The following KLHDC1 variants were observed in gnomAD, a reference collection of about 807,000 sequenced individuals.
KLHDC1 encodes the protein kelch domain containing 1.
A neutral mutation model predicts 68.3 loss-of-function variants in KLHDC1; 53 were observed. The observed-to-expected ratio is 0.78, with a 90% CI of 0.62 to 0.98. KLHDC1 has a LOEUF of 0.98. Among genes scored for constraint, KLHDC1 ranks in the 50% least tolerant of loss-of-function variants. KLHDC1 has a pLI of 0.00. For synonymous variants in KLHDC1, 148 were observed against 159.0 expected, an observed-to-expected ratio of 0.93 and a Z score of 0.52; for missense variants, 470 against 492.3, an observed-to-expected ratio of 0.95 and a Z score of 0.43.
intron 6 of KLHDC1, among the ~76,000 whole-genome samples, chr14:49,727,541 A>G (rs1888702327): frequency 6.6e-6 from 1 of 152,206 alleles, no homozygotes; most frequent in Non-Finnish European, 1.5e-5. Flanking sequence ...AGGTCTATAC[A>G]AAATCGTAAG....
intron 11 of KLHDC1, among the ~76,000 whole-genome samples, chr14:49,740,404 C>T (rs899727298): frequency 5.3e-5 from 8 of 152,044 alleles, no homozygotes; most frequent in African/African-American, 1.9e-4. Context: ...GTGGTGCGAT[C>T]TCGGCTCACT....
intron 8 of KLHDC1, 107 bp from the exon 9 acceptor site, chr14:49,732,596 GT>G: frequency 2.0e-6 from 1 of 491,070 alleles, no homozygotes. Context: ...ACTAGTAAAA[GT>G]TTTTTGGAGC....
intron 1 of KLHDC1, among the ~76,000 whole-genome samples, chr14:49,700,702 C>T (rs1451223491): frequency 1.3e-5 from 2 of 152,084 alleles, no homozygotes; most frequent in Admixed American, 6.6e-5. Context: ...GAAGGCTTAC[C>T]GTGTCAGATA....
chr14:49,743,596 T>G (rs975715813), intron 11 of KLHDC1, among the ~76,000 whole-genome samples, 157 bp from the exon 12 acceptor site: 2 of 152,168 alleles, frequency 1.3e-5, no homozygotes, highest in African/African-American at 4.8e-5. Flanking sequence ...TATGTTTATG[T>G]GTGTGCATGA....
intron 1 of KLHDC1, among the ~76,000 whole-genome samples, chr14:49,698,994 C>G (rs902728355): frequency 2.9e-4 from 44 of 151,384 alleles, no homozygotes; most frequent in African/African-American, 1.0e-3. Context: ...GAAACCCCGT[C>G]TCTATTAAAA....
chr14:49,705,365 C>CTTTTTTTTTTTTTTTTTTTTTTT lies in KLHDC1; in HGVS notation c.97-3773_97-3772insTTTTTTTTTTTTTTTTTTTTTTT. ...TCACTTTCATAATATTTCTTTCTTT[C>CTTTTTTTTTTTTTTTTTTTTTTT]TTTTTTTTTTTTTTTTTTTTTGAGA... On this transcript the variant is annotated intron_variant, in intron 1 of 12. Coordinates refer to ENST00000359332, the MANE Select transcript of KLHDC1 (RefSeq NM_172193.3). Among the ~76,000 whole-genome samples the CTTTTTTTTTTTTTTTTTTTTTTT allele has an allele frequency of 4.9e-4, 35 of 71,670 alleles. 6 individuals carry two copies. The highest frequency in any genetic ancestry group is 1.8e-3 in the African/African-American group (33 of 18,330). The allele number at this position is 71,670 out of a possible 152,430, so 47.0% of individuals were successfully genotyped here.
At chr14:49,731,274 G>T (rs537273175) in intron 8 of KLHDC1, among the ~76,000 whole-genome samples, 1 of 151,788 alleles carries the variant, frequency 6.6e-6, no homozygotes, top group Admixed American at 6.6e-5. Context: ...GCAAAACGCC[G>T]CCTCAAAAAA....
chr14:49,711,813 G>A (rs1888207639), intron 4 of KLHDC1, among the ~76,000 whole-genome samples: 1 of 147,532 alleles, frequency 6.8e-6, no homozygotes, highest in African/African-American at 2.5e-5. Flanking sequence ...AGATTTGCTT[G>A]TTTGTCTCTT....
At chr14:49,747,753 T>A (rs961203196) in intron 12 of KLHDC1, among the ~76,000 whole-genome samples, 1 of 152,098 alleles carries the variant, frequency 6.6e-6, no homozygotes, top group Non-Finnish European at 1.5e-5. Context: ...GCGGGATATA[T>A]AACAAAGTAG....
At chr14:49,745,300 G>A (rs181235966) in intron 12 of KLHDC1, among the ~76,000 whole-genome samples, 3 of 152,244 alleles carry the variant, frequency 2.0e-5, no homozygotes, top group Non-Finnish European at 4.4e-5. Context: ...CTCATGAGGG[G>A]CTTCAAAAAA....
At chr14:49,707,174 G>A (rs1361918682) in intron 1 of KLHDC1, among the ~76,000 whole-genome samples, 2 of 151,740 alleles carry the variant, frequency 1.3e-5, no homozygotes, top group African/African-American at 4.8e-5. Context: ...GTGAAAGATA[G>A]GAATCTAGTT....
intron 12 of KLHDC1, among the ~76,000 whole-genome samples, chr14:49,748,611 T>C (rs1889251906): frequency 6.6e-6 from 1 of 151,950 alleles, no homozygotes; most frequent in South Asian, 2.1e-4. Context: ...TATAAGAAAT[T>C]AAAAGAAATA....
intron 6 of KLHDC1, among the ~76,000 whole-genome samples, chr14:49,727,480 A>G (rs1399275266): frequency 6.6e-6 from 1 of 152,182 alleles, no homozygotes; most frequent in African/African-American, 2.4e-5. Flanking sequence ...TAATACACAT[A>G]TATGACCAGA....
intron 10 of KLHDC1, among the ~76,000 whole-genome samples, chr14:49,735,262 CT>C (rs1888904505): frequency 6.6e-6 from 1 of 151,622 alleles, no homozygotes; most frequent in Non-Finnish European, 1.5e-5. Context: ...TTGTTTTTTT[CT>C]AATTTTATTG....
intron 1 of KLHDC1, among the ~76,000 whole-genome samples, chr14:49,698,930 C>T (rs143440357): frequency 0.026 from 3,977 of 151,616 alleles, 65 homozygotes; most frequent in Non-Finnish European, 0.036. Context: ...CTTTGGAGGC[C>T]GAGGCGGGTG....
chr14:49,700,910 G>A (rs865868492), intron 1 of KLHDC1, among the ~76,000 whole-genome samples: 14 of 151,988 alleles, frequency 9.2e-5, no homozygotes, highest in African/African-American at 3.4e-4. Flanking sequence ...GTGAAACCTC[G>A]TCTCTACTGA....
chr14:49,707,800 GC>G (rs1402522672), intron 1 of KLHDC1: 1 of 144,356 alleles, frequency 6.9e-6, no homozygotes, highest in Non-Finnish European at 1.5e-5. Context: ...ACAGGCATGT[GC>G]CACCAGGCCT....
chr14:49,727,487 C>A (rs1002602085), intron 6 of KLHDC1, among the ~76,000 whole-genome samples: 12 of 152,038 alleles, frequency 7.9e-5, no homozygotes, highest in African/African-American at 2.9e-4. Flanking sequence ...CATATATGAC[C>A]AGAATTCCTT....
chr14:49,705,624 C>T lies in KLHDC1; in HGVS notation c.97-3535C>T, dbSNP rs866993212. On this transcript the variant is annotated intron_variant, in intron 1 of 12. Coordinates refer to ENST00000359332, the MANE Select transcript of KLHDC1 (RefSeq NM_172193.3). ...GACCTTGTGATCTGTTCGCCTCAGC[C>T]TCCCAAAGTGCTAGGATTACAGGTG... Among the ~76,000 whole-genome samples, 7 of 152,058 alleles carry T rather than the reference C, an allele frequency of 4.6e-5. No homozygotes were observed. In the South Asian group the frequency reaches 1.2e-3, roughly 27 times the overall value.
Sources: allele counts gnomAD v4.1 joint callset (sites outside exome capture counted in the v4.1 genomes callset), GRCh38; gene constraint gnomAD v4.1.1; transcripts MANE v1.5; gene names NCBI Gene and HGNC (gene_info 2026-07-23, HGNC 2026-07-21).